Variants in ZPBP observed in about 807,000 individuals in gnomAD.
ZPBP encodes the protein zona pellucida binding protein, also known as zona pellucida-binding protein 1.
In ZPBP, 26 loss-of-function variants were observed where a neutral mutation model predicts 44.8. That is an observed-to-expected ratio of 0.58 (90% CI 0.43 to 0.81). The LOEUF (loss-of-function observed/expected upper bound fraction) is 0.81. ZPBP is among the 30% of genes least tolerant of loss of function. The pLI is 0.00. For synonymous variants in ZPBP, 174 were observed against 153.2 expected (o/e 1.14, Z -1.00); for missense variants, 409 against 434.0 (o/e 0.94, Z 0.51).
intron 1 of ZPBP, chr7:49,918,606 T>C (rs1346790226): frequency 6.6e-6 from 1 of 152,230 alleles, no homozygotes; most frequent in Non-Finnish European, 1.5e-5. Context: ...TAACCAAATA[T>C]TGTGACCCAG....
At chr7:49,917,728 T>A (rs1361434540) in intron 1 of ZPBP, 1 of 152,170 alleles carries the variant, frequency 6.6e-6, no homozygotes, top group African/African-American at 2.4e-5. Flanking sequence ...CATTAAAGTG[T>A]ATTTAGATGA....
intron 3 of ZPBP, among the ~76,000 whole-genome samples, chr7:50,072,333 A>G (rs1165362567): frequency 6.6e-6 from 1 of 152,242 alleles, no homozygotes; most frequent in Non-Finnish European, 1.5e-5. Context: ...CTCAGCTGCA[A>G]TATAATAGAA....
At chr7:49,941,533 T>C (rs1794884663) in intron 7 of ZPBP, among the ~76,000 whole-genome samples, 1 of 152,054 alleles carries the variant, frequency 6.6e-6, no homozygotes, top group African/African-American at 2.4e-5. Context: ...ATTAGGAAAA[T>C]AGTTCCATTT....
chr7:50,069,746 T>C (rs1249934374), intron 3 of ZPBP, among the ~76,000 whole-genome samples: 5 of 152,054 alleles, frequency 3.3e-5, no homozygotes, highest in African/African-American at 1.2e-4. Flanking sequence ...CACTCTCACT[T>C]TCACTCTCAG....
Position 49,854,074 on chromosome 7 carries a change from A to G in ZPBP, n.510-3560T>C, listed in dbSNP as rs1017920027. On this transcript the variant is annotated intron_variant and non_coding_transcript_variant, in intron 2 of 2. Transcript: ENST00000465922. ...CTTTTTTATGGCTGCATAGTATTCC[A>G]TGGTGTATATGTGCCACATTTTCTT... Among the ~76,000 whole-genome samples the G allele has an allele frequency of 3.1e-3, 464 of 152,084 alleles. 5 individuals are homozygous for G. The highest frequency in any genetic ancestry group is 0.01 in the African/African-American group (431 of 41,460).
chr7:49,933,045 C>T (rs1794500036), downstream of ZPBP, among the ~76,000 whole-genome samples: 1 of 152,092 alleles, frequency 6.6e-6, no homozygotes, highest in Non-Finnish European at 1.5e-5. Context: ...TCTTTATTAG[C>T]AGTGTGAGAA....
intron 6 of ZPBP, among the ~76,000 whole-genome samples, chr7:50,015,774 A>T (rs969041918): frequency 2.0e-5 from 3 of 152,170 alleles, no homozygotes; most frequent in African/African-American, 7.2e-5. Flanking sequence ...GAAGACATAT[A>T]GGGAGCCAGC....
At chr7:49,970,367 G>GA (rs745961438) in intron 7 of ZPBP, among the ~76,000 whole-genome samples, 97 of 141,790 alleles carry the variant, frequency 6.8e-4, no homozygotes, top group Non-Finnish European at 1.1e-3. Context: ...TGAACATTCA[G>GA]AAAAAAGATC....
chr7:49,844,783 C>T, the ZPBP span, among the ~76,000 whole-genome samples: 1 of 152,146 alleles, frequency 6.6e-6, no homozygotes, highest in Non-Finnish European at 1.5e-5. Flanking sequence ...ACCTCTGCCT[C>T]CTGGGTTCAA....
intron 1 of ZPBP, 122 bp downstream of exon 1, chr7:50,092,946 G>A: frequency 1.5e-6 from 2 of 1,374,720 alleles, no homozygotes; most frequent in Non-Finnish European, 1.9e-6. Context: ...TTCTTGTCAC[G>A]TATTAGTGAG....
intron 6 of ZPBP, among the ~76,000 whole-genome samples, chr7:50,000,530 T>C (rs1212749313): frequency 6.6e-6 from 1 of 152,132 alleles, no homozygotes; most frequent in Non-Finnish European, 1.5e-5. Context: ...ATGAAAAGCA[T>C]CTGATGACCT....
rs775371034 is a variant in ZPBP, at chr7:49,912,154, T to C, written n.412-10939A>G. On this transcript the variant is annotated intron_variant and non_coding_transcript_variant, in intron 1 of 2. Coordinates refer to the ZPBP transcript ENST00000465922. ...ACATGGAGAATCGAGCGGCAGGCCA[T>C]GTGCACGAGACATGAATGCAGGCAA... The C allele has an allele frequency of 3.7e-6, 6 of 1,613,906 alleles. No homozygotes were observed. The Admixed American group carries it at 6.7e-5, about 18-fold the overall frequency.
chr7:50,086,338 C>A (rs1186596083), intron 2 of ZPBP, among the ~76,000 whole-genome samples: 7 of 151,810 alleles, frequency 4.6e-5, no homozygotes, highest in African/African-American at 1.7e-4. Context: ...TGGCCATATG[C>A]ATAAAAAGGT....
At chr7:50,089,879 TA>T (rs1802863367) in intron 1 of ZPBP, among the ~76,000 whole-genome samples, 170 bp from the exon 2 acceptor site, 1 of 152,120 alleles carries the variant, frequency 6.6e-6, no homozygotes, top group Non-Finnish European at 1.5e-5. Context: ...CTGATAAATT[TA>T]ATCTACGTAC....
At chr7:49,882,748 A>G (rs1429622013) in intron 2 of ZPBP, among the ~76,000 whole-genome samples, 1 of 152,188 alleles carries the variant, frequency 6.6e-6, no homozygotes, top group Non-Finnish European at 1.5e-5. Context: ...AGAAGCACAG[A>G]CAAAATTGTA....
intron 7 of ZPBP, among the ~76,000 whole-genome samples, chr7:49,960,265 C>G (rs1406657962): frequency 6.6e-6 from 1 of 151,700 alleles, no homozygotes; most frequent in Non-Finnish European, 1.5e-5. Flanking sequence ...ACTAAAAATA[C>G]AAAAAAATAG....
intron 4 of ZPBP, among the ~76,000 whole-genome samples, 188 bp downstream of exon 4, chr7:50,057,801 G>A (rs553158268): frequency 4.6e-5 from 7 of 152,162 alleles, no homozygotes; most frequent in Non-Finnish European, 7.4e-5. Context: ...AAAAGACTAC[G>A]ATCTGTTAAC....
chr7:49,936,364 T>C (rs1207373291), downstream of ZPBP, among the ~76,000 whole-genome samples: 1 of 152,198 alleles, frequency 6.6e-6, no homozygotes, highest in Non-Finnish European at 1.5e-5. Flanking sequence ...TTATCTTCCC[T>C]TTGTGTCTGT....
chr7:50,040,547 G>A (rs542827031), intron 4 of ZPBP, among the ~76,000 whole-genome samples: 5 of 152,250 alleles, frequency 3.3e-5, no homozygotes, highest in East Asian at 3.9e-4. Context: ...CGCCTCACCC[G>A]GGAAGCACAA....
Sources: allele counts gnomAD v4.1 joint callset (sites outside exome capture counted in the v4.1 genomes callset), GRCh38; gene constraint gnomAD v4.1.1; transcripts MANE v1.5; gene names NCBI Gene and HGNC (gene_info 2026-07-23, HGNC 2026-07-21).